CAPRIN2: variants seen among roughly 807,000 people sequenced by gnomAD.
CAPRIN2 encodes caprin-2.
CAPRIN2 carries 66 observed loss-of-function variants against 130.4 expected under a neutral mutation model. That is an observed-to-expected ratio of 0.51 (90% CI 0.42 to 0.62). The LOEUF is 0.62. Among genes scored for constraint, CAPRIN2 ranks in the 20% least tolerant of loss-of-function variants. CAPRIN2 has a pLI of 0.00. For synonymous variants in CAPRIN2, 471 were observed against 444.1 expected (o/e 1.06, Z -0.76); for missense variants, 1,185 against 1,246.6 (o/e 0.95, Z 0.74).
intron 2 of CAPRIN2, among the ~76,000 whole-genome samples, chr12:30,744,575 G>A (rs1329012929): frequency 1.3e-5 from 2 of 152,058 alleles, no homozygotes; most frequent in South Asian, 4.1e-4. Flanking sequence ...CACTGGCTAA[G>A]TCTCATTCAT....
intron 14 of CAPRIN2, 123 bp from the exon 17 acceptor site, chr12:30,714,008 C>T: frequency 3.9e-6 from 2 of 514,814 alleles, no homozygotes; most frequent in Admixed American, 6.2e-5. Flanking sequence ...GACTTATGCC[C>T]TCTTTAAGCA....
intron 4 of CAPRIN2, among the ~76,000 whole-genome samples, chr12:30,734,478 G>A (rs532928523): frequency 7.2e-5 from 11 of 152,114 alleles, no homozygotes; most frequent in Non-Finnish European, 1.5e-4. Flanking sequence ...ACTATCAAAT[G>A]TATTTATCAC....
chr12:30,711,664 A>G (rs2054691741), intron 15 of CAPRIN2, 35 bp from the exon 18 acceptor site: 1 of 1,539,330 alleles, frequency 6.5e-7, no homozygotes, highest in Non-Finnish European at 9.0e-7. Flanking sequence ...CTTGGCATCA[A>G]AAATGCAGGA....
chr12:30,716,640 C>T, exon 13 of CAPRIN2: 1 of 1,613,782 alleles, frequency 6.2e-7, no homozygotes. Context: ...ATTTCTTGTT[C>T]TTTTCGTGGA....
exon 12 of CAPRIN2, chr12:30,720,875 A>G: frequency 6.2e-7 from 1 of 1,613,890 alleles, no homozygotes; most frequent in Non-Finnish European, 8.5e-7. Flanking sequence ...GGTAGTAACC[A>G]AGCAAGCATT....
exon 1 of CAPRIN2, chr12:30,754,500 C>A (rs1263670370): frequency 6.6e-6 from 1 of 152,568 alleles, no homozygotes; most frequent in African/African-American, 2.4e-5. Context: ...CACGGAGAGC[C>A]CTGCAGGCAC....
intron 3 of CAPRIN2, among the ~76,000 whole-genome samples, chr12:30,739,642 G>A (rs539364199): frequency 4.0e-5 from 6 of 151,868 alleles, no homozygotes; most frequent in African/African-American, 1.4e-4. Flanking sequence ...GTGAACCCGG[G>A]AGGCGGAGCT....
At chr12:30,725,987 T>C (rs1170744575) in exon 9 of CAPRIN2, 1 of 1,595,874 alleles carries the variant, frequency 6.3e-7, no homozygotes, top group Non-Finnish European at 8.5e-7. Flanking sequence ...TACAAGTTCC[T>C]TGAATCTGAG....
intron 9 of CAPRIN2, among the ~76,000 whole-genome samples, chr12:30,725,411 AG>A (rs1048097280): frequency 6.6e-6 from 1 of 152,338 alleles, no homozygotes; most frequent in African/African-American, 2.4e-5. Context: ...TTCAAAGCTC[AG>A]GATCTTTTAC....
chr12:30,739,237 G>T (rs535416653), intron 3 of CAPRIN2, among the ~76,000 whole-genome samples: 16 of 152,302 alleles, frequency 1.1e-4, no homozygotes, highest in African/African-American at 3.6e-4. Context: ...AAAAGAACAA[G>T]ATCATGTCCT....
exon 17 of CAPRIN2, chr12:30,709,712 G>A (rs2053686579): frequency 1.8e-6 from 1 of 569,812 alleles, no homozygotes; most frequent in East Asian, 2.9e-5. Flanking sequence ...TTTATAAAGT[G>A]CCAGATTAGT....
intron 10 of CAPRIN2, 50 bp from the exon 12 acceptor site, chr12:30,723,364 C>G: frequency 8.0e-7 from 1 of 1,257,852 alleles, no homozygotes; most frequent in Non-Finnish European, 1.1e-6. Context: ...CAAAAGCTTA[C>G]GCATATCAAC....
chr12:30,729,503 C>G (rs1282611097), intron 7 of CAPRIN2, among the ~76,000 whole-genome samples, 178 bp from the exon 9 acceptor site: 1 of 152,178 alleles, frequency 6.6e-6, no homozygotes, highest in Non-Finnish European at 1.5e-5. Flanking sequence ...TCCTACTTTT[C>G]TGTCCATTCC....
chr12:30,729,222 C>A (rs755333884), exon 8 of CAPRIN2: 2 of 1,613,404 alleles, frequency 1.2e-6, no homozygotes, highest in Non-Finnish European at 1.7e-6. Flanking sequence ...CATATCCCAA[C>A]GTTTTGGGAG....
intron 2 of CAPRIN2, among the ~76,000 whole-genome samples, chr12:30,748,839 A>C (rs2072107250): frequency 6.6e-6 from 1 of 152,192 alleles, no homozygotes; most frequent in Non-Finnish European, 1.5e-5. Flanking sequence ...TATACCTACT[A>C]CATGCTACAC....
chr12:30,734,988 A>C, exon 4 of CAPRIN2: 1 of 1,612,582 alleles, frequency 6.2e-7, no homozygotes, highest in Non-Finnish European at 8.5e-7. Flanking sequence ...CATTTCTTTC[A>C]GGGCAGGTCA....
At chr12:30,714,848 T>C in intron 14 of CAPRIN2, 111 bp downstream of exon 16, 2 of 751,036 alleles carry the variant, frequency 2.7e-6, no homozygotes, top group Non-Finnish European at 4.4e-6. Context: ...CAGGAAATTC[T>C]CTACTACGTT....
rs2061535355 is a variant in CAPRIN2 at position 30,728,329 on chromosome 12, TG to T, written c.1782+318del. The T allele has an allele frequency of 4.2e-5, 9 of 212,506 alleles. No individual in the cohort carries two copies. In the South Asian group the frequency reaches 8.9e-4, roughly 21 times the overall value. The allele number at this position is 212,506 out of a possible 1,614,324, so 13.2% of individuals were successfully genotyped here. On this transcript the variant is annotated intron_variant, in intron 8 of 16. Coordinates refer to ENST00000298892, the Ensembl canonical transcript of CAPRIN2. ...CAGCACTTTGGGAGGCCGAGGCGGT[TG>T]GATCACGAGATCAGGAGATCCAGGC...
intron 11 of CAPRIN2, among the ~76,000 whole-genome samples, chr12:30,722,150 A>G (rs1359401143): frequency 2.0e-5 from 3 of 152,240 alleles, no homozygotes; most frequent in Non-Finnish European, 4.4e-5. Flanking sequence ...ATTTAATAAC[A>G]AAGACATTTA....
Sources: allele counts gnomAD v4.1 joint callset (sites outside exome capture counted in the v4.1 genomes callset), GRCh38; gene constraint gnomAD v4.1.1; transcripts MANE v1.5; gene names NCBI Gene and HGNC (gene_info 2026-07-23, HGNC 2026-07-21).